The following MBNL3 variants were observed in gnomAD, a reference collection of about 807,000 sequenced individuals.
MBNL3 encodes muscleblind-like protein 3.
Under a neutral mutation model 24.5 loss-of-function variants are expected in MBNL3, and 6 were observed. That is an observed-to-expected ratio of 0.25 (90% CI 0.13 to 0.48). The LOEUF is 0.48. Ranked by LOEUF, MBNL3 falls within the 20% of genes least tolerant of loss-of-function variation. MBNL3 has a pLI of 0.99. For synonymous variants in MBNL3, 100 were observed against 101.7 expected, an observed-to-expected ratio of 0.98 and a Z score of 0.10; for missense variants, 230 against 293.5, an observed-to-expected ratio of 0.78 and a Z score of 1.58.
chrX:132,440,363 G>A (rs1945329135), intron 1 of MBNL3, among the ~76,000 whole-genome samples, 49 bp from the exon 2 acceptor site: 1 of 111,663 alleles, frequency 9.0e-6, no homozygotes, highest in South Asian at 3.7e-4. Flanking sequence ...CAATGCTTCC[G>A]TTTCAAACTC....
intron 1 of MBNL3, among the ~76,000 whole-genome samples, chrX:132,466,436 T>C (rs2148508290): frequency 8.9e-6 from 1 of 112,464 alleles, no homozygotes; most frequent in African/African-American, 3.2e-5. Context: ...AACACACTGA[T>C]TAAATTTCTG....
intron 1 of MBNL3, among the ~76,000 whole-genome samples, chrX:132,467,784 T>G (rs1368119612): frequency 8.9e-6 from 1 of 112,288 alleles, no homozygotes. Flanking sequence ...TCAATGTTTA[T>G]ACTTCTGCTT....
At chrX:132,429,969 CA>C (rs1351440496) in intron 2 of MBNL3, 1 of 111,670 alleles carries the variant, frequency 9.0e-6, no homozygotes, top group African/African-American at 3.3e-5. Context: ...CTTCCTTCTA[CA>C]GCCAAAATTC....
intron 3 of MBNL3, among the ~76,000 whole-genome samples, chrX:132,404,897 A>C (rs1941534950): frequency 1.8e-5 from 2 of 111,926 alleles, no homozygotes; most frequent in South Asian, 7.5e-4. Context: ...AATAAAGGTA[A>C]AACAGGATTT....
chrX:132,445,297 T>A (rs957565546), intron 1 of MBNL3, among the ~76,000 whole-genome samples: 3 of 110,967 alleles, frequency 2.7e-5, no homozygotes, highest in Non-Finnish European at 5.7e-5. Context: ...GTTTTCAAAT[T>A]TGCTTCAAGT....
intron 2 of MBNL3, among the ~76,000 whole-genome samples, chrX:132,409,703 G>T (rs1351177226): frequency 9.0e-6 from 1 of 111,039 alleles, no homozygotes; most frequent in Non-Finnish European, 1.9e-5. Context: ...GGCAGAGCAG[G>T]CTACGTACTA....
At chrX:132,459,131 T>C (rs1046137682) in intron 1 of MBNL3, among the ~76,000 whole-genome samples, 4 of 104,235 alleles carry the variant, frequency 3.8e-5, no homozygotes, top group African/African-American at 1.4e-4. Flanking sequence ...ACTAGTTGAG[T>C]TGAAATTTGT....
At position 132,371,724 on chromosome X, in the gene MBNL3, C is replaced by T. The variant is rs2147995774; in HGVS notation, c.*7942G>A. On this transcript the variant is annotated 3_prime_UTR_variant, in exon 9 of 9. Transcript: ENST00000370853. ...GCATTCTCTCAAAATTTTAAGTATT[C>T]TTTTATTAAAATAGAAGTGTTTTTC... 9.0e-6 allele frequency: 1 copy of T among 111,403 alleles called. No individual in the cohort carries two copies. The highest frequency in any genetic ancestry group is 3.8e-4 in the South Asian group (1 of 2,654). The allele number at this position is 111,403 out of a possible 1,213,427, so 9.2% of individuals were successfully genotyped here.
chrX:132,417,470 GTT>G (rs1943402689), intron 2 of MBNL3, among the ~76,000 whole-genome samples: 2 of 111,763 alleles, frequency 1.8e-5, no homozygotes, highest in Non-Finnish European at 3.8e-5. Flanking sequence ...AGAACAGAGA[GTT>G]AATTAGTTAG....
chrX:132,425,494 GTCTT>G (rs984929218), intron 2 of MBNL3, among the ~76,000 whole-genome samples: 11 of 111,173 alleles, frequency 9.9e-5, no homozygotes, highest in African/African-American at 3.6e-4. Context: ...ATATTTCTTT[GTCTT>G]TCTATGTTCA....
intron 2 of MBNL3, among the ~76,000 whole-genome samples, chrX:132,407,493 T>C (rs1158187962): frequency 8.9e-6 from 1 of 112,563 alleles, no homozygotes; most frequent in Non-Finnish European, 1.9e-5. Flanking sequence ...AAATACTATC[T>C]TAGTTTTATG....
chrX:132,469,174 C>A (rs755998055), intron 1 of MBNL3, among the ~76,000 whole-genome samples: 1 of 112,283 alleles, frequency 8.9e-6, no homozygotes, highest in South Asian at 3.7e-4. Context: ...GAACTATACG[C>A]AGGGTTTCAG....
chrX:132,392,431 G>T, intron 3 of MBNL3, 97 bp from the exon 4 acceptor site: 1 of 666,257 alleles, frequency 1.5e-6, no homozygotes, highest in South Asian at 4.2e-5. Context: ...AATTACTTAT[G>T]CCACATCAAA....
In MBNL3 at chrX:132,461,226, C is replaced by T. The variant is rs139861874; in HGVS notation, c.-703-20912G>A. 6.3e-5 allele frequency among the ~76,000 whole-genome samples: 7 copies of T among 111,405 alleles called. No homozygotes were observed. The East Asian group carries it at 8.4e-4, about 13-fold the overall frequency. ...CTTTCTGTTTTTCCAGAAAGATCTA[C>T]AGGTAAAAGGTACAGAGAGATACAC... On this transcript the variant is annotated intron_variant, in intron 1 of 8. Transcript: ENST00000370853.
chrX:132,396,500 CTATATATATTCA>C (rs1185838256), intron 3 of MBNL3, among the ~76,000 whole-genome samples: 3 of 58,925 alleles, frequency 5.1e-5, no homozygotes, highest in African/African-American at 1.7e-4. Flanking sequence ...ATATATATTC[CTATATATATTCA>C]TATATATTCA....
At chrX:132,489,498 C>G (rs1948179873), upstream of MBNL3, among the ~76,000 whole-genome samples, 1 of 111,547 alleles carries the variant, frequency 9.0e-6, no homozygotes, top group East Asian at 2.9e-4. Flanking sequence ...CCCGCCCGGC[C>G]TTTGCCAAAG....
chrX:132,396,889 T>TATATATATTCATATATACATATATATTC (rs1939642801), intron 3 of MBNL3, among the ~76,000 whole-genome samples: 3 of 66,914 alleles, frequency 4.5e-5, no homozygotes, highest in African/African-American at 1.2e-4. Flanking sequence ...TATATATTCA[T>TATATATATTCATATATACATATATATTC]ATATATATTC....
intron 2 of MBNL3, chrX:132,411,213 G>C: frequency 1.3e-6 from 1 of 754,156 alleles, no homozygotes; most frequent in Non-Finnish European, 1.6e-6. Flanking sequence ...TCCCAACTCT[G>C]TTTTCTTGAC....
intron 2 of MBNL3, chrX:132,411,262 G>A (rs932358726): frequency 2.7e-5 from 20 of 751,809 alleles, no homozygotes; most frequent in South Asian, 6.9e-5. Context: ...TGACTTTGGC[G>A]CAAACCAGAT....
Sources: allele counts gnomAD v4.1 joint callset (sites outside exome capture counted in the v4.1 genomes callset), GRCh38; gene constraint gnomAD v4.1.1; transcripts MANE v1.5; gene names NCBI Gene and HGNC (gene_info 2026-07-23, HGNC 2026-07-21).